HEATR4: variants seen among roughly 807,000 people sequenced by gnomAD.
The protein encoded by HEATR4 is HEAT repeat containing 4, also known as HEAT repeat-containing protein 4.
HEATR4 carries 95 observed loss-of-function variants against 108.8 expected under a neutral mutation model. The ratio of observed to expected loss-of-function variants is 0.87; its 90% CI spans 0.74 to 1.04. The LOEUF (loss-of-function observed/expected upper bound fraction) is 1.04. HEATR4 is among the 50% of genes least tolerant of loss of function. The pLI is 0.00. For synonymous variants in HEATR4, 443 were observed against 459.4 expected (o/e 0.96, Z 0.46); for missense variants, 1,152 against 1,253.8 (o/e 0.92, Z 1.23).
upstream of HEATR4, among the ~76,000 whole-genome samples, chr14:73,561,163 C>G (rs1889526179): frequency 6.6e-6 from 1 of 151,384 alleles, no homozygotes; most frequent in Non-Finnish European, 1.5e-5. Flanking sequence ...GTCAAAAGTT[C>G]AAGACCAGCC....
At chr14:73,579,091 GAAA>G in the HEATR4 span, among the ~76,000 whole-genome samples, 6 of 94,110 alleles carry the variant, frequency 6.4e-5, no homozygotes, top group Non-Finnish European at 1.1e-4. Flanking sequence ...TCAAAAAAAA[GAAA>G]AAAAAAAAAA....
chr14:73,578,231 C>CTT, the HEATR4 span, among the ~76,000 whole-genome samples: 24,592 of 139,298 alleles, frequency 0.18, 2,625 homozygotes, highest in African/African-American at 0.26. Flanking sequence ...GACATTTCAT[C>CTT]TTTTTTTTTT....
At chr14:73,618,058 G>C in the HEATR4 span, among the ~76,000 whole-genome samples, 1 of 151,918 alleles carries the variant, frequency 6.6e-6, no homozygotes, top group Admixed American at 6.6e-5. Context: ...CAGGAGAATT[G>C]CTCGAACTCA....
At chr14:73,484,911 C>T (rs968766411) in intron 17 of HEATR4, among the ~76,000 whole-genome samples, 3 of 151,952 alleles carry the variant, frequency 2.0e-5, no homozygotes, top group Admixed American at 6.6e-5. Flanking sequence ...TGCCTGTAAT[C>T]CCAGCACTTT....
chr14:73,589,919 C>T, the HEATR4 span, among the ~76,000 whole-genome samples: 13 of 152,134 alleles, frequency 8.5e-5, no homozygotes, highest in Non-Finnish European at 1.5e-4. Context: ...CTTAAGGCGG[C>T]ATGTCTGGAG....
rs1463122597 is a variant in HEATR4 at position 73,546,523 on chromosome 14, A to C, written c.-152+12228T>G. 4.4e-5 allele frequency among the ~76,000 whole-genome samples: 5 copies of C among 112,416 alleles called. 1 individual carries two copies. The highest frequency in any genetic ancestry group is 9.7e-5 in the Non-Finnish European group (5 of 51,782). The allele number at this position is 112,416 out of a possible 152,430, so 73.7% of individuals were successfully genotyped here. ...GGACTGCAGACACATGTCACCATGG[A>C]CAGCTAATTTTTGTATTTTTGCAGA... is the stretch of plus-strand genomic sequence containing the variant. On this transcript the variant is annotated intron_variant, in intron 1 of 17. Transcript: ENST00000553558.
chr14:73,616,001 G>C, the HEATR4 span, among the ~76,000 whole-genome samples: 6 of 152,232 alleles, frequency 3.9e-5, no homozygotes, highest in South Asian at 6.2e-4. Context: ...CAAGGTTACA[G>C]TGATCTACAG....
At chr14:73,612,464 G>C in the HEATR4 span, 2 of 729,860 alleles carry the variant, frequency 2.7e-6, no homozygotes, top group Non-Finnish European at 3.9e-6. Context: ...ACCAATGGGA[G>C]TAGTGTTAAG....
chr14:73,593,775 C>G, the HEATR4 span: 1 of 1,614,052 alleles, frequency 6.2e-7, no homozygotes, highest in Non-Finnish European at 8.5e-7. Context: ...GAGCCAGCCT[C>G]CTTGCTGGCC....
the HEATR4 span, among the ~76,000 whole-genome samples, chr14:73,576,042 A>C: frequency 6.6e-6 from 1 of 151,950 alleles, no homozygotes; most frequent in Admixed American, 6.6e-5. Context: ...AGTCACAGCT[A>C]CTTGGGAGGC....
chr14:73,529,669 C>A (rs778405141), intron 2 of HEATR4, among the ~76,000 whole-genome samples: 2 of 152,148 alleles, frequency 1.3e-5, no homozygotes, highest in Non-Finnish European at 2.9e-5. Context: ...GCTTATCAGT[C>A]GCTTACCCTC....
chr14:73,589,427 C>T, the HEATR4 span, among the ~76,000 whole-genome samples: 1 of 152,122 alleles, frequency 6.6e-6, no homozygotes, highest in African/African-American at 2.4e-5. Context: ...TCAAGCAATT[C>T]TCCTGCCTCA....
chr14:73,505,568 T>G (rs897307163), intron 10 of HEATR4, among the ~76,000 whole-genome samples: 2 of 152,072 alleles, frequency 1.3e-5, no homozygotes, highest in Non-Finnish European at 2.9e-5. Flanking sequence ...GGCTAATTTT[T>G]GTATTTTAGT....
At chr14:73,504,880 G>T (rs1886713315) in intron 10 of HEATR4, among the ~76,000 whole-genome samples, 1 of 152,126 alleles carries the variant, frequency 6.6e-6, no homozygotes, top group South Asian at 2.1e-4. Context: ...ACGAAGTGTT[G>T]CCTGGAATTC....
chr14:73,520,656 A>G, intron 4 of HEATR4, 196 bp downstream of exon 4: 1 of 528,310 alleles, frequency 1.9e-6, no homozygotes, highest in Non-Finnish European at 3.4e-6. Context: ...GGGGAGAGAG[A>G]GCAGTTCCCT....
chr14:73,481,964 A>C (rs1885275497), intron 17 of HEATR4, among the ~76,000 whole-genome samples: 1 of 152,040 alleles, frequency 6.6e-6, no homozygotes, highest in Admixed American at 6.6e-5. Context: ...TACCACTGCA[A>C]CTCCAGCTTA....
At chr14:73,579,305 G>A in the HEATR4 span, among the ~76,000 whole-genome samples, 1 of 139,576 alleles carries the variant, frequency 7.2e-6, no homozygotes, top group Non-Finnish European at 1.5e-5. Flanking sequence ...CGCTGGGTGT[G>A]GTGGCTCATG....
chr14:73,621,238 A>ATT, the HEATR4 span, among the ~76,000 whole-genome samples: 2 of 72,684 alleles, frequency 2.8e-5, no homozygotes, highest in African/African-American at 6.1e-5. Flanking sequence ...TCTGAACGCC[A>ATT]GTCTGAAGAC....
chr14:73,543,981 C>T lies in HEATR4; in HGVS notation c.-151-13737G>A, dbSNP rs1889188557. The stretch of plus-strand genomic sequence containing the variant: ...CAGTGTCTGGTACGTAAATGGAGTT[C>T]AATAATTATTTGCTGAATGAGTATA... On this transcript the variant is annotated intron_variant, in intron 1 of 17. Coordinates refer to ENST00000553558, the MANE Select transcript of HEATR4 (RefSeq NM_001220484.1). Among the ~76,000 whole-genome samples, 2 of 108,848 alleles carry T rather than the reference C, an allele frequency of 1.8e-5. 1 individual carries two copies. Among genetic ancestry groups the T allele is most frequent in the Non-Finnish European group, 4.0e-5 (2 of 50,102 alleles). 71.4% of individuals were successfully genotyped at this position (108,848 alleles called of 152,430 possible). A position where few individuals can be genotyped will look rare whatever the true frequency, so the allele number is the denominator to read the frequency against.
Sources: allele counts gnomAD v4.1 joint callset (sites outside exome capture counted in the v4.1 genomes callset), GRCh38; gene constraint gnomAD v4.1.1; transcripts MANE v1.5; gene names NCBI Gene and HGNC (gene_info 2026-07-23, HGNC 2026-07-21).